The following STXBP5L variants were observed in gnomAD, a reference collection of about 807,000 sequenced individuals.
The protein encoded by STXBP5L is syntaxin-binding protein 5-like.
In STXBP5L, 65 loss-of-function variants were observed where a neutral mutation model predicts 144.5. The observed-to-expected ratio is 0.45, with a 90% CI of 0.37 to 0.55. The LOEUF (loss-of-function observed/expected upper bound fraction) is 0.55. Ranked by LOEUF, STXBP5L falls within the 20% of genes least tolerant of loss-of-function variation. The pLI, the probability that STXBP5L is intolerant of heterozygous loss-of-function variation, is 0.00. For synonymous variants in STXBP5L, 505 were observed against 469.6 expected (o/e 1.08, Z -0.97); for missense variants, 1,298 against 1,405.5 (o/e 0.92, Z 1.22).
At chr3:121,219,559 C>T (rs1435095006) in intron 10 of STXBP5L, among the ~76,000 whole-genome samples, 1 of 152,042 alleles carries the variant, frequency 6.6e-6, no homozygotes, top group South Asian at 2.1e-4. Flanking sequence ...ACTGACACTC[C>T]AACTAAGATG....
intron 23 of STXBP5L, among the ~76,000 whole-genome samples, chr3:121,412,744 A>AAC (rs1215394080): frequency 2.0e-5 from 3 of 148,568 alleles, no homozygotes; most frequent in African/African-American, 7.6e-5. Flanking sequence ...AAAAAAAAAA[A>AAC]AAAAACAAAA....
chr3:121,029,786 A>T (rs921270369), intron 3 of STXBP5L, among the ~76,000 whole-genome samples: 4 of 152,112 alleles, frequency 2.6e-5, no homozygotes, highest in South Asian at 4.1e-4. Flanking sequence ...TATCCATCTG[A>T]CAAAAGACTA....
chr3:121,332,089 A>T (rs1232740622), intron 20 of STXBP5L, among the ~76,000 whole-genome samples: 1 of 151,910 alleles, frequency 6.6e-6, no homozygotes, highest in Non-Finnish European at 1.5e-5. Flanking sequence ...AGAAATTTTT[A>T]AAAATCACAG....
chr3:121,357,987 T>C (rs1047189351), intron 20 of STXBP5L: 1 of 152,194 alleles, frequency 6.6e-6, no homozygotes, highest in Non-Finnish European at 1.5e-5. Flanking sequence ...TAAAAAAATA[T>C]TGTGGGTGCA....
chr3:121,128,472 C>T (rs1219423323), intron 7 of STXBP5L, among the ~76,000 whole-genome samples: 1 of 151,964 alleles, frequency 6.6e-6, no homozygotes, highest in Admixed American at 6.6e-5. Context: ...TAAGAAATGC[C>T]CTAGAAAGGA....
chr3:121,291,503 G>T (rs1054979904), intron 19 of STXBP5L, among the ~76,000 whole-genome samples: 3 of 151,964 alleles, frequency 2.0e-5, no homozygotes, highest in Non-Finnish European at 4.4e-5. Flanking sequence ...CAAATTCAAT[G>T]GAATTTCCAT....
chr3:120,963,251 A>G (rs985162328), intron 3 of STXBP5L, among the ~76,000 whole-genome samples: 2 of 152,170 alleles, frequency 1.3e-5, no homozygotes, highest in African/African-American at 2.4e-5. Context: ...TCTTTTCCCA[A>G]TTGAATGCCC....
chr3:121,132,756 A>G (rs2045053169), intron 7 of STXBP5L, among the ~76,000 whole-genome samples: 1 of 152,218 alleles, frequency 6.6e-6, no homozygotes, highest in Non-Finnish European at 1.5e-5. Flanking sequence ...GCAATTCATG[A>G]ACAAAACTAG....
rs527513564 is a variant in STXBP5L at position 120,936,271 on chromosome 3, A to G, written c.190-18669A>G. Among the ~76,000 whole-genome samples, 201 of 152,190 alleles carry G rather than the reference A, an allele frequency of 1.3e-3. 2 individuals carry two copies. Among genetic ancestry groups the G allele is most frequent in the Non-Finnish European group, 1.1e-3 (75 of 68,006 alleles). On this transcript the variant is annotated intron_variant, in intron 2 of 26. Transcript: ENST00000471454. ...TCTTACATGGTATCCACTGTTTTTTATAAAGCCCATAGCTTATTAATCATA... is the reference window on the plus strand; with the variant it reads ...TCTTACATGGTATCCACTGTTTTTTGTAAAGCCCATAGCTTATTAATCATA...
At chr3:121,400,979 A>G (rs1400345519) in intron 22 of STXBP5L, among the ~76,000 whole-genome samples, 1 of 152,234 alleles carries the variant, frequency 6.6e-6, no homozygotes, top group African/African-American at 2.4e-5. Context: ...AAGAAAGAAA[A>G]AAGCTTTATA....
At chr3:121,173,981 C>G (rs1459520236) in intron 9 of STXBP5L, among the ~76,000 whole-genome samples, 1 of 152,016 alleles carries the variant, frequency 6.6e-6, no homozygotes, top group African/African-American at 2.4e-5. Context: ...GAGGGATCAC[C>G]TTTTACTGTG....
rs185660627 is a variant in STXBP5L, at chr3:121,228,132, G to C, written c.1111+4975G>C. Among the ~76,000 whole-genome samples, 691 of 152,260 alleles carry C rather than the reference G, an allele frequency of 4.5e-3. 2 individuals carry two copies. The highest frequency in any genetic ancestry group is 0.015 in the African/African-American group (643 of 41,562). ...AGTTACTTATTCAACCAAAGTAAGA[G>C]TAAAAATCAGAAGATTTCAAAAGCA... On this transcript the variant is annotated intron_variant, in intron 11 of 26. Transcript: ENST00000471454.
intron 9 of STXBP5L, among the ~76,000 whole-genome samples, chr3:121,175,717 T>C (rs2046906602): frequency 6.6e-6 from 1 of 152,080 alleles, no homozygotes; most frequent in African/African-American, 2.4e-5. Flanking sequence ...AATACAAGTA[T>C]ATCAATATTC....
intron 18 of STXBP5L, among the ~76,000 whole-genome samples, chr3:121,277,670 C>T (rs1026094652): frequency 6.6e-6 from 1 of 151,630 alleles, no homozygotes; most frequent in Non-Finnish European, 1.5e-5. Context: ...TCTTTATATG[C>T]CTGCTACTTT....
chr3:121,309,888 A>G (rs2043467157), intron 19 of STXBP5L, among the ~76,000 whole-genome samples: 1 of 152,258 alleles, frequency 6.6e-6, no homozygotes, highest in South Asian at 2.1e-4. Context: ...TTGGAAAAGA[A>G]GAACAAAATT....
At chr3:121,074,678 C>T (rs540595532) in intron 5 of STXBP5L, among the ~76,000 whole-genome samples, 1 of 152,236 alleles carries the variant, frequency 6.6e-6, no homozygotes, top group East Asian at 1.9e-4. Context: ...AATTTTGCAT[C>T]TCTCATAGAG....
rs2047369017 is a variant in STXBP5L at position 121,422,332 on chromosome 3, A to G, written c.*3235A>G. The G allele has an allele frequency of 6.6e-6, 1 of 152,220 alleles. No individual in the cohort carries two copies. Among genetic ancestry groups the G allele is most frequent in the Non-Finnish European group, 1.5e-5 (1 of 68,026 alleles). 9.4% of individuals were successfully genotyped at this position (152,220 alleles called of 1,614,324 possible). On this transcript the variant is annotated 3_prime_UTR_variant, in exon 27 of 27. Transcript: ENST00000471454. Reference sequence around the variant, plus strand: ...TTCTATCTGCTAAAGCGACATCAGAAGATAAGGCTTGCAAACCACAGTCCC... The same window carrying G: ...TTCTATCTGCTAAAGCGACATCAGAGGATAAGGCTTGCAAACCACAGTCCC...
At position 121,037,885 on chromosome 3, in the gene STXBP5L, T is replaced by A. The variant is rs191347161; in HGVS notation, c.288-3815T>A. On this transcript the variant is annotated intron_variant, in intron 3 of 26. Coordinates refer to ENST00000471454, the MANE Select transcript of STXBP5L (RefSeq NM_001308330.2). Reference sequence around the variant, plus strand: ...AATTTCCTACTTCTCCTTGTGTAATTTATGTCTTTCTGGGAATTTGTCCAT... The same window carrying A: ...AATTTCCTACTTCTCCTTGTGTAATATATGTCTTTCTGGGAATTTGTCCAT... 4.5e-4 allele frequency among the ~76,000 whole-genome samples: 68 copies of A among 152,184 alleles called. 1 individual carries two copies. Among genetic ancestry groups the A allele is most frequent in the Admixed American group, 4.4e-3 (67 of 15,266 alleles).
At chr3:121,050,233 C>A (rs1947859187) in intron 5 of STXBP5L, among the ~76,000 whole-genome samples, 1 of 152,084 alleles carries the variant, frequency 6.6e-6, no homozygotes, top group Non-Finnish European at 1.5e-5. Flanking sequence ...CACGCCAAAT[C>A]TCTAAACTTA....
Sources: gnomAD v4.1 joint callset for allele counts (sites outside exome capture counted in the v4.1 genomes callset) on GRCh38, gnomAD v4.1.1 for gene constraint, MANE v1.5 for transcripts, NCBI Gene and HGNC (gene_info 2026-07-23, HGNC 2026-07-21) for gene names.